ATRNL1: variants seen among roughly 807,000 people sequenced by gnomAD.
ATRNL1 encodes the protein attractin-like protein 1.
Under a neutral mutation model 182.7 loss-of-function variants are expected in ATRNL1, and 95 were observed. The ratio of observed to expected loss-of-function variants is 0.52; its 90% CI spans 0.44 to 0.62. The LOEUF is 0.62. Ranked by LOEUF, ATRNL1 falls within the 20% of genes least tolerant of loss-of-function variation. The pLI, the probability that ATRNL1 is intolerant of heterozygous loss-of-function variation, is 0.00. For synonymous variants in ATRNL1, 576 were observed against 568.3 expected (o/e 1.01, Z -0.19); for missense variants, 1,471 against 1,679.5 (o/e 0.88, Z 2.17).
At chr10:115,486,538 A>G (rs1849035890) in intron 24 of ATRNL1, among the ~76,000 whole-genome samples, 2 of 152,144 alleles carry the variant, frequency 1.3e-5, no homozygotes, top group Admixed American at 1.3e-4. Flanking sequence ...GGCCACAGAA[A>G]TGTCTTCTTT....
intron 26 of ATRNL1, among the ~76,000 whole-genome samples, chr10:115,614,036 T>G (rs1017521558): frequency 2.0e-5 from 3 of 152,030 alleles, no homozygotes; most frequent in Admixed American, 1.3e-4. Context: ...AGTTCTGCTC[T>G]GATCTTTGTT....
chr10:115,395,320 G>C (rs1844233379), intron 20 of ATRNL1, among the ~76,000 whole-genome samples: 1 of 151,874 alleles, frequency 6.6e-6, no homozygotes, highest in Admixed American at 6.6e-5. Flanking sequence ...ACATATAGGT[G>C]CATGTGTCTT....
At chr10:115,281,605 C>A in intron 14 of ATRNL1, 118 bp downstream of exon 14, 1 of 1,015,772 alleles carries the variant, frequency 9.8e-7, no homozygotes, top group Non-Finnish European at 1.4e-6. Context: ...TAAATATCAA[C>A]CTATAATATT....
chr10:115,433,504 T>C (rs1592650913), intron 21 of ATRNL1, among the ~76,000 whole-genome samples: 1 of 152,172 alleles, frequency 6.6e-6, no homozygotes, highest in Non-Finnish European at 1.5e-5. Flanking sequence ...TAAATTCTTA[T>C]ATTTACCAGA....
At chr10:115,707,219 C>T (rs539324482) in intron 26 of ATRNL1, among the ~76,000 whole-genome samples, 3 of 151,698 alleles carry the variant, frequency 2.0e-5, no homozygotes, top group South Asian at 2.1e-4. Context: ...GCACTCTTAT[C>T]GTATCAGTCT....
intron 27 of ATRNL1, among the ~76,000 whole-genome samples, chr10:115,814,728 T>C (rs1194688728): frequency 6.6e-6 from 1 of 152,156 alleles, no homozygotes; most frequent in African/African-American, 2.4e-5. Context: ...CAAAGCACTT[T>C]CATTTTATGC....
chr10:115,431,368 A>G (rs1373417631), intron 21 of ATRNL1, among the ~76,000 whole-genome samples: 1 of 150,486 alleles, frequency 6.6e-6, no homozygotes, highest in African/African-American at 2.5e-5. Flanking sequence ...AGATTGTGCC[A>G]TTGCACTCGC....
intron 26 of ATRNL1, among the ~76,000 whole-genome samples, chr10:115,637,071 G>C (rs190652046): frequency 1.1e-3 from 160 of 152,286 alleles, no homozygotes; most frequent in Non-Finnish European, 1.9e-3. Flanking sequence ...TAAAAAGTTT[G>C]AAAACATGGA....
At chr10:115,165,471 G>A in intron 6 of ATRNL1, 87 bp from the exon 7 acceptor site, 1 of 586,162 alleles carries the variant, frequency 1.7e-6, no homozygotes, top group East Asian at 3.0e-5. Flanking sequence ...ATGAATACTT[G>A]GACACAAGTG....
chr10:115,633,157 C>T (rs552442792), intron 26 of ATRNL1, among the ~76,000 whole-genome samples: 12 of 152,150 alleles, frequency 7.9e-5, no homozygotes, highest in East Asian at 3.9e-4. Context: ...GTGATCCTCC[C>T]GCCTCGGCCA....
chr10:115,772,174 T>C (rs891711907), intron 27 of ATRNL1, among the ~76,000 whole-genome samples: 1 of 152,218 alleles, frequency 6.6e-6, no homozygotes, highest in Non-Finnish European at 1.5e-5. Context: ...AAAAAGAAGG[T>C]TAACAATTTG....
chr10:115,296,729 T>G (rs1349332751), intron 15 of ATRNL1, among the ~76,000 whole-genome samples: 4 of 152,182 alleles, frequency 2.6e-5, no homozygotes, highest in African/African-American at 9.6e-5. Context: ...AAAACTATAC[T>G]AATCATATTT....
At chr10:115,201,170 T>C (rs1218835448) in intron 8 of ATRNL1, among the ~76,000 whole-genome samples, 2 of 151,194 alleles carry the variant, frequency 1.3e-5, no homozygotes, top group Non-Finnish European at 2.9e-5. Context: ...TTTTCTCCCA[T>C]TTTATAGGTT....
chr10:115,819,016 C>T (rs1468065174), intron 27 of ATRNL1, among the ~76,000 whole-genome samples: 4 of 152,086 alleles, frequency 2.6e-5, no homozygotes, highest in Non-Finnish European at 5.9e-5. Flanking sequence ...CCTTATCAGA[C>T]GTCTCTATCA....
At chr10:115,884,017 A>G (rs1951887547) in intron 28 of ATRNL1, among the ~76,000 whole-genome samples, 1 of 152,234 alleles carries the variant, frequency 6.6e-6, no homozygotes, top group African/African-American at 2.4e-5. Flanking sequence ...AATTGCGTGC[A>G]TTTAGATATG....
intron 10 of ATRNL1, among the ~76,000 whole-genome samples, chr10:115,247,781 C>T (rs1362614312): frequency 2.6e-5 from 4 of 152,072 alleles, no homozygotes; most frequent in African/African-American, 9.7e-5. Flanking sequence ...AGGTTTCCAA[C>T]AAGGGATGAA....
chr10:115,776,936 C>T (rs1949142431), intron 27 of ATRNL1, among the ~76,000 whole-genome samples: 1 of 152,156 alleles, frequency 6.6e-6, no homozygotes, highest in Non-Finnish European at 1.5e-5. Flanking sequence ...GCAGGCAGAT[C>T]ACTTGAGGCC....
intron 26 of ATRNL1, among the ~76,000 whole-genome samples, chr10:115,619,715 T>C (rs1857621353): frequency 6.6e-6 from 1 of 152,280 alleles, no homozygotes; most frequent in Non-Finnish European, 1.5e-5. Flanking sequence ...ATCCATTGCC[T>C]AATTTAATAT....
intron 26 of ATRNL1, among the ~76,000 whole-genome samples, chr10:115,647,447 C>T (rs551236514): frequency 6.6e-6 from 1 of 152,286 alleles, no homozygotes; most frequent in African/African-American, 2.4e-5. Flanking sequence ...TTCTCTACAT[C>T]CTCTCCGGCA....
Sources: allele counts gnomAD v4.1 joint callset (sites outside exome capture counted in the v4.1 genomes callset), GRCh38; gene constraint gnomAD v4.1.1; transcripts MANE v1.5; gene names NCBI Gene and HGNC (gene_info 2026-07-23, HGNC 2026-07-21).